Variants in ATRNL1 observed in about 807,000 individuals in gnomAD.
ATRNL1 encodes the protein attractin-like protein 1.
A neutral mutation model predicts 182.7 loss-of-function variants in ATRNL1; 95 were observed. The ratio of observed to expected loss-of-function variants is 0.52; its 90% CI spans 0.44 to 0.62. ATRNL1 has a LOEUF of 0.62. ATRNL1 is among the 20% of genes least tolerant of loss of function. The probability of loss-of-function intolerance (pLI) is 0.00; values close to 1 mark genes in which losing one functional copy is unlikely to be tolerated. For missense variants in ATRNL1, 1,471 were observed against 1,679.5 expected (o/e 0.88, Z 2.17); for synonymous variants, 576 against 568.3 (o/e 1.01, Z -0.19).
At chr10:115,800,081 G>A (rs1024388352) in intron 27 of ATRNL1, among the ~76,000 whole-genome samples, 91 of 152,060 alleles carry the variant, frequency 6.0e-4, no homozygotes, top group African/African-American at 1.9e-3. Flanking sequence ...TTAGCTGGAC[G>A]TGGTGGTGCG....
At chr10:115,436,934 G>T (rs1300214934) in intron 21 of ATRNL1, among the ~76,000 whole-genome samples, 8 of 152,044 alleles carry the variant, frequency 5.3e-5, no homozygotes, top group South Asian at 2.1e-4. Flanking sequence ...TTTCGTAAGA[G>T]CTCTGAATGA....
At chr10:115,265,093 T>A (rs1554910106) in intron 10 of ATRNL1, 100 bp from the exon 11 acceptor site, 1 of 675,452 alleles carries the variant, frequency 1.5e-6, no homozygotes, top group East Asian at 2.8e-5. Context: ...TTCCTGCTTA[T>A]GCATAGTGTA....
At chr10:115,411,133 G>A (rs1317867769) in intron 20 of ATRNL1, among the ~76,000 whole-genome samples, 1 of 151,488 alleles carries the variant, frequency 6.6e-6, no homozygotes, top group Non-Finnish European at 1.5e-5. Context: ...GCTGTTACAT[G>A]CCCCTTATTT....
chr10:115,676,589 T>C (rs1945869229), intron 26 of ATRNL1, among the ~76,000 whole-genome samples: 2 of 151,922 alleles, frequency 1.3e-5, no homozygotes, highest in Non-Finnish European at 2.9e-5. Flanking sequence ...TATATGTATA[T>C]ATATATATAT....
intron 27 of ATRNL1, among the ~76,000 whole-genome samples, chr10:115,828,656 T>C (rs1555092702): frequency 1.3e-5 from 2 of 152,194 alleles, no homozygotes; most frequent in African/African-American, 4.8e-5. Context: ...TTAGACAAGC[T>C]CAAATTATAA....
At chr10:115,591,846 G>T (rs1470893157) in intron 26 of ATRNL1, among the ~76,000 whole-genome samples, 1 of 152,084 alleles carries the variant, frequency 6.6e-6, no homozygotes, top group Non-Finnish European at 1.5e-5. Flanking sequence ...AAAATAAATT[G>T]TTCTACCAAA....
At chr10:115,833,898 A>G (rs1041440979) in intron 27 of ATRNL1, among the ~76,000 whole-genome samples, 4 of 152,222 alleles carry the variant, frequency 2.6e-5, no homozygotes, top group Admixed American at 1.3e-4. Flanking sequence ...GGTCTGCCAC[A>G]TAAGCAACAG....
chr10:115,158,870 T>A (rs782155311), intron 5 of ATRNL1, among the ~76,000 whole-genome samples: 2 of 151,920 alleles, frequency 1.3e-5, no homozygotes, highest in African/African-American at 2.4e-5. Context: ...TTAAGTAGTA[T>A]CCCTTTAATT....
chr10:115,573,195 C>G (rs1196327965), intron 26 of ATRNL1, among the ~76,000 whole-genome samples: 5 of 152,098 alleles, frequency 3.3e-5, no homozygotes, highest in Non-Finnish European at 7.4e-5. Flanking sequence ...AGAGGTGGCT[C>G]TCAGTGATAC....
At chr10:115,709,286 G>A (rs1279447262) in intron 26 of ATRNL1, among the ~76,000 whole-genome samples, 2 of 151,756 alleles carry the variant, frequency 1.3e-5, no homozygotes, top group Non-Finnish European at 2.9e-5. Flanking sequence ...AATTCAATCG[G>A]TATTTGTTGG....
At chr10:115,374,808 A>AT (rs1857586120) in intron 19 of ATRNL1, among the ~76,000 whole-genome samples, 1 of 151,696 alleles carries the variant, frequency 6.6e-6, no homozygotes, top group Non-Finnish European at 1.5e-5. Context: ...CTGATTTCTA[A>AT]TTTACTACCA....
intron 28 of ATRNL1, among the ~76,000 whole-genome samples, chr10:115,877,012 CA>C (rs1951715434): frequency 6.6e-6 from 1 of 152,176 alleles, no homozygotes; most frequent in South Asian, 2.1e-4. Flanking sequence ...GGTTCCAAGC[CA>C]AAAACCAGAG....
At chr10:115,759,369 G>A (rs1555072952) in intron 27 of ATRNL1, among the ~76,000 whole-genome samples, 1 of 152,100 alleles carries the variant, frequency 6.6e-6, no homozygotes, top group African/African-American at 2.4e-5. Flanking sequence ...GGGCCGATCT[G>A]TGAATGGTAG....
At chr10:115,381,432 A>ATTTTTCTTTTTTTTTTT (rs1857992886) in intron 19 of ATRNL1, among the ~76,000 whole-genome samples, 1 of 68,550 alleles carries the variant, frequency 1.5e-5, no homozygotes, top group Non-Finnish European at 3.0e-5. Context: ...ATACCTGGCA[A>ATTTTTCTTTTTTTTTTT]TTTTTTTTTT....
At chr10:115,907,593 C>T (rs1354083324) in intron 28 of ATRNL1, among the ~76,000 whole-genome samples, 2 of 152,310 alleles carry the variant, frequency 1.3e-5, no homozygotes, top group South Asian at 2.1e-4. Context: ...TTTTCATACA[C>T]ATTTCAATAC....
intron 26 of ATRNL1, among the ~76,000 whole-genome samples, chr10:115,569,296 G>GT (rs1187759687): frequency 9.2e-5 from 14 of 152,098 alleles, no homozygotes; most frequent in Admixed American, 9.2e-4. Flanking sequence ...GACTCTTGAT[G>GT]TTTTTCTTTT....
chr10:115,314,431 CAGCTG>C (rs1274975872), intron 17 of ATRNL1, among the ~76,000 whole-genome samples: 4 of 152,156 alleles, frequency 2.6e-5, no homozygotes, highest in African/African-American at 9.7e-5. Context: ...CACTGAGTGG[CAGCTG>C]AGCCATTAAC....
chr10:115,908,233 G>A (rs1319459029), intron 28 of ATRNL1, among the ~76,000 whole-genome samples: 1 of 152,074 alleles, frequency 6.6e-6, no homozygotes, highest in Admixed American at 6.5e-5. Flanking sequence ...AAATTACCAC[G>A]ACCTAGGCAG....
chr10:115,331,119 G>A (rs113923603), intron 18 of ATRNL1, among the ~76,000 whole-genome samples: 3,390 of 151,776 alleles, frequency 0.022, 48 homozygotes, highest in South Asian at 0.036. Context: ...GAGTGCAGTG[G>A]TGCAATCTCG....
Sources: allele counts gnomAD v4.1 joint callset (sites outside exome capture counted in the v4.1 genomes callset), GRCh38; gene constraint gnomAD v4.1.1; transcripts MANE v1.5; gene names NCBI Gene and HGNC (gene_info 2026-07-23, HGNC 2026-07-21).